ESF1: variants seen among roughly 807,000 people sequenced by gnomAD.
ESF1 encodes ESF1 homolog.
ESF1 carries 58 observed loss-of-function variants against 92.0 expected under a neutral mutation model. The ratio of observed to expected loss-of-function variants is 0.63; its 90% CI spans 0.51 to 0.78. The LOEUF (loss-of-function observed/expected upper bound fraction) is 0.78. Ranked by LOEUF, ESF1 falls within the 30% of genes least tolerant of loss-of-function variation. The pLI is 0.00. For synonymous variants in ESF1, 321 were observed against 313.7 expected (o/e 1.02, Z -0.24); for missense variants, 922 against 989.1 (o/e 0.93, Z 0.91).
At chr20:13,781,529 T>C (rs1980188677) in intron 2 of ESF1, among the ~76,000 whole-genome samples, 1 of 152,138 alleles carries the variant, frequency 6.6e-6, no homozygotes, top group Non-Finnish European at 1.5e-5. Flanking sequence ...GGGGCATTTA[T>C]AAAAGGACAA....
At chr20:13,781,772 C>T (rs6033822) in intron 2 of ESF1, among the ~76,000 whole-genome samples, 148,440 of 152,378 alleles carry the variant, frequency 0.97, 72,412 homozygotes, top group East Asian at 1. Flanking sequence ...TCATATTCTG[C>T]CTGCCACATA....
At chr20:13,743,151 C>T (rs1600276150) in intron 9 of ESF1, among the ~76,000 whole-genome samples, 1 of 152,122 alleles carries the variant, frequency 6.6e-6, no homozygotes, top group Non-Finnish European at 1.5e-5. Flanking sequence ...TGAAAAGGTG[C>T]TCAACATCAC....
At chr20:13,733,631 A>G (rs543461221) in intron 10 of ESF1, 90 bp downstream of exon 10, 271 of 1,337,554 alleles carry the variant, frequency 2.0e-4, no homozygotes, top group South Asian at 1.4e-3. Flanking sequence ...GTGAGTGGTT[A>G]CATTTTGAGA....
intron 10 of ESF1, 91 bp downstream of exon 10, chr20:13,733,630 T>G: frequency 1.5e-6 from 2 of 1,338,452 alleles, no homozygotes; most frequent in South Asian, 1.6e-5. Flanking sequence ...AGTGAGTGGT[T>G]ACATTTTGAG....
At chr20:13,760,198 G>T (rs556157042) in intron 8 of ESF1, among the ~76,000 whole-genome samples, 44 of 151,836 alleles carry the variant, frequency 2.9e-4, no homozygotes, top group Non-Finnish European at 6.0e-4. Context: ...AGTGAGGAGC[G>T]TCTCTGCCTG....
Position 13,782,405 on chromosome 20 carries a change from A to G in ESF1, c.637+99T>C, listed in dbSNP as rs534692513. 1.8e-5 allele frequency: 18 copies of G among 1,025,764 alleles called. No individual in the cohort carries two copies. The East Asian group carries it at 3.7e-4, about 21-fold the overall frequency. The allele number at this position is 1,025,764 out of a possible 1,614,324, so 63.5% of individuals were successfully genotyped here. A position where few individuals can be genotyped will look rare whatever the true frequency, so the allele number is the denominator to read the frequency against. On this transcript the variant is annotated intron_variant, in intron 2 of 13. Transcript: ENST00000617257. ...CAGATAAGCATTTGACCATTCCATA[A>G]TACTATGAAAATACTTATTAATGTG...
At chr20:13,766,717 C>T (rs1426206531) in intron 8 of ESF1, 60 bp downstream of exon 8, 3 of 1,562,510 alleles carry the variant, frequency 1.9e-6, no homozygotes, top group African/African-American at 2.7e-5. Context: ...TTTGGCTTTC[C>T]CTGTAAAGCT....
At position 13,717,422 on chromosome 20, in the gene ESF1, T is replaced by C. The variant is rs2049836989; in HGVS notation, c.2208A>G (p.Lys736=). ...NKIVEHQNLS[K]KKKKQLMKKK... ...TTTTCATGAGCTGCTTTTTCTTCTT[T>C]TTGCTCAGATTCTGGTGCTCCACAA... Residue 736 remains lysine, a synonymous_variant, in exon 13 of 14, where the codon AAA becomes AAG. Transcript: ENST00000617257. 1 of 1,614,160 alleles carries C rather than the reference T, an allele frequency of 6.2e-7. No individual in the cohort carries two copies. Among genetic ancestry groups the C allele is most frequent in the Non-Finnish European group, 8.5e-7 (1 of 1,180,018 alleles).
intron 7 of ESF1, among the ~76,000 whole-genome samples, chr20:13,769,450 G>A (rs146774347): frequency 3.9e-5 from 6 of 152,296 alleles, no homozygotes; most frequent in African/African-American, 7.2e-5. Context: ...AGGCAGACAC[G>A]CTTGTGTCTC....
At chr20:13,736,611 A>C (rs992006914) in intron 9 of ESF1, among the ~76,000 whole-genome samples, 1 of 152,166 alleles carries the variant, frequency 6.6e-6, no homozygotes, top group Non-Finnish European at 1.5e-5. Flanking sequence ...TTCTTATTTC[A>C]AGCCATCTGT....
Position 13,728,141 on chromosome 20 carries a change from T to C in ESF1, c.2038+237A>G, listed in dbSNP as rs6033809. Among the ~76,000 whole-genome samples the C allele has an allele frequency of 0.66, 100,871 of 152,026 alleles. 33,780 individuals carry two copies. The highest frequency in any genetic ancestry group is 0.89 in the East Asian group (4,589 of 5,166). On this transcript the variant is annotated intron_variant, in intron 11 of 13. Coordinates refer to ENST00000617257, the MANE Select transcript of ESF1 (RefSeq NM_001276380.2). ...CCAGAAAGGAATCCCCAGTAAACTA[T>C]TAACCACATTATCAAAAGTCTCCTA...
At chr20:13,715,883 G>C (rs2049821348) in intron 13 of ESF1, among the ~76,000 whole-genome samples, 1 of 152,092 alleles carries the variant, frequency 6.6e-6, no homozygotes. Context: ...GTTATCACGA[G>C]GCCAAGGGAT....
intron 6 of ESF1, 97 bp downstream of exon 6, chr20:13,771,234 A>G: frequency 8.4e-7 from 1 of 1,189,102 alleles, no homozygotes; most frequent in Non-Finnish European, 1.2e-6. Flanking sequence ...AAATCATTTT[A>G]GAATATAAAA....
intron 9 of ESF1, among the ~76,000 whole-genome samples, chr20:13,753,412 C>T (rs1375523201): frequency 6.7e-6 from 1 of 149,956 alleles, no homozygotes; most frequent in Non-Finnish European, 1.5e-5. Context: ...CCAGTGCCTC[C>T]ACTCTGAATA....
At chr20:13,736,111 C>T (rs1056048972) in intron 9 of ESF1, among the ~76,000 whole-genome samples, 5 of 152,148 alleles carry the variant, frequency 3.3e-5, no homozygotes, top group African/African-American at 1.2e-4. Context: ...TGAAGCTTAA[C>T]AGCATTGACA....
rs775216646 is a variant in ESF1 at position 13,728,391 on chromosome 20, T to G, written c.2025A>C (p.Glu675Asp). 1 of 1,612,014 alleles carries G rather than the reference T, an allele frequency of 6.2e-7. No homozygotes were observed. The highest frequency in any genetic ancestry group is 8.5e-7 in the Non-Finnish European group (1 of 1,179,200). The change falls in exon 11 of 14, where the codon GAA (glutamate) becomes GAC (aspartate). Residue 675 changes from glutamate (E) to aspartate (D), a missense_variant. Coordinates refer to ENST00000617257, the MANE Select transcript of ESF1 (RefSeq NM_001276380.2). Reference protein sequence around the residue: ...VDLNDPYFAEEVKQIGINKKS... With the variant: ...VDLNDPYFAEDVKQIGINKKS... ...GAGCTGGCTTACCTATTTGTTTAAC[T>G]TCTTCAGCAAAGTATGGGTCATTCA...
At chr20:13,748,439 C>CATAT (rs1568717999) in intron 9 of ESF1, among the ~76,000 whole-genome samples, 2,704 of 33,954 alleles carry the variant, frequency 0.08, 97 homozygotes, top group East Asian at 0.36. Context: ...CATATATATA[C>CATAT]ACATATATAC....
intron 9 of ESF1, 100 bp downstream of exon 9, chr20:13,759,592 T>C: frequency 1.4e-6 from 2 of 1,466,738 alleles, no homozygotes; most frequent in Non-Finnish European, 9.0e-7. Context: ...AAATATGATG[T>C]TAAGGTCCTC....
chr20:13,776,098 A>T lies in ESF1; in HGVS notation c.810T>A (p.Asp270Glu). 6.2e-7 allele frequency: 1 copy of T among 1,613,720 alleles called. No homozygotes were observed. Among genetic ancestry groups the T allele is most frequent in the Non-Finnish European group, 8.5e-7 (1 of 1,179,828 alleles). Reference sequence around the variant, plus strand: ...CCTCCTCTTCATCATCTTCACTTCCATCGTCATCACCTGAAGCTCTACCAA... The same window carrying T: ...CCTCCTCTTCATCATCTTCACTTCCTTCGTCATCACCTGAAGCTCTACCAA... ...TSVGRASGDD[D>E]GSEDDEEEDE... The change falls in exon 3 of 14, where the codon GAT (aspartate) becomes GAA (glutamate). Residue 270 changes from aspartate (D) to glutamate (E), a missense_variant. Transcript: ENST00000617257.
Sources: gnomAD v4.1 joint callset for allele counts (sites outside exome capture counted in the v4.1 genomes callset) on GRCh38, gnomAD v4.1.1 for gene constraint, MANE v1.5 for transcripts, NCBI Gene and HGNC (gene_info 2026-07-23, HGNC 2026-07-21) for gene names.